Variants in SGCZ observed in about 807,000 individuals in gnomAD.
SGCZ encodes sarcoglycan zeta.
SGCZ carries 40 observed loss-of-function variants against 41.3 expected under a neutral mutation model. The ratio of observed to expected loss-of-function variants is 0.97; its 90% CI spans 0.75 to 1.26. The LOEUF is 1.26. Ranked by LOEUF, SGCZ falls within the 50% of genes most tolerant of loss-of-function variation. The pLI, the probability that SGCZ is intolerant of heterozygous loss-of-function variation, is 0.00. For missense variants in SGCZ, 552 were observed against 369.8 expected (o/e 1.49, Z -4.04); for synonymous variants, 206 against 137.5 (o/e 1.50, Z -3.49).
chr8:14,173,459 T>C (rs981523053), intron 4 of SGCZ, among the ~76,000 whole-genome samples: 2 of 151,958 alleles, frequency 1.3e-5, no homozygotes, highest in Non-Finnish European at 2.9e-5. Context: ...AAATTCAATA[T>C]GTTAAGTGAA....
intron 4 of SGCZ, among the ~76,000 whole-genome samples, chr8:14,230,467 C>T (rs993024725): frequency 5.3e-5 from 8 of 152,178 alleles, no homozygotes; most frequent in Non-Finnish European, 1.2e-4. Flanking sequence ...AAACCTGGAA[C>T]GGATGCCTGG....
At chr8:14,303,822 G>A (rs1036075207) in intron 3 of SGCZ, among the ~76,000 whole-genome samples, 1 of 151,954 alleles carries the variant, frequency 6.6e-6, no homozygotes, top group Non-Finnish European at 1.5e-5. Flanking sequence ...CGCGATCTCG[G>A]CTCACTGCAA....
intron 3 of SGCZ, among the ~76,000 whole-genome samples, chr8:14,259,547 G>A (rs1313418132): frequency 2.1e-5 from 3 of 143,832 alleles, no homozygotes; most frequent in Non-Finnish European, 3.1e-5. Flanking sequence ...AGTTTTCCCA[G>A]CACCATTTAT....
intron 1 of SGCZ, among the ~76,000 whole-genome samples, chr8:14,736,920 C>T (rs549603187): frequency 2.6e-5 from 4 of 151,922 alleles, no homozygotes; most frequent in Admixed American, 2.0e-4. Context: ...AAGATACTTG[C>T]ACATGCATGT....
At chr8:14,338,302 G>C (rs1474314983) in intron 2 of SGCZ, among the ~76,000 whole-genome samples, 3 of 152,152 alleles carry the variant, frequency 2.0e-5, no homozygotes, top group African/African-American at 7.2e-5. Flanking sequence ...CAACTATTAG[G>C]AGCACCAACA....
chr8:15,212,663 G>C (rs1053258835), intron 1 of SGCZ, among the ~76,000 whole-genome samples: 3 of 152,090 alleles, frequency 2.0e-5, no homozygotes, highest in South Asian at 2.1e-4. Context: ...AGAGATAAAA[G>C]AACAAAACTG....
chr8:14,860,302 T>A (rs528363181), intron 1 of SGCZ, among the ~76,000 whole-genome samples: 1 of 152,112 alleles, frequency 6.6e-6, no homozygotes, highest in South Asian at 2.1e-4. Context: ...CAAGAGCAAT[T>A]TGACGCTAAC....
intron 3 of SGCZ, among the ~76,000 whole-genome samples, chr8:14,254,506 T>G (rs539266639): frequency 5.9e-5 from 9 of 152,306 alleles, no homozygotes; most frequent in African/African-American, 2.2e-4. Context: ...AAGCAGTAAA[T>G]GAAATGAATG....
At chr8:14,452,149 A>T (rs1219010238) in intron 2 of SGCZ, among the ~76,000 whole-genome samples, 4 of 152,202 alleles carry the variant, frequency 2.6e-5, no homozygotes, top group Admixed American at 6.5e-5. Context: ...CAACACTAAA[A>T]AGAAATAAGC....
At chr8:14,772,338 A>G (rs1800267764) in intron 1 of SGCZ, among the ~76,000 whole-genome samples, 3 of 152,172 alleles carry the variant, frequency 2.0e-5, no homozygotes, top group Admixed American at 2.0e-4. Flanking sequence ...AGAATAAACT[A>G]TAAGCATTAC....
intron 1 of SGCZ, among the ~76,000 whole-genome samples, chr8:14,808,047 G>A (rs563818774): frequency 6.6e-6 from 1 of 151,954 alleles, no homozygotes; most frequent in Non-Finnish European, 1.5e-5. Flanking sequence ...GCTGAAACTG[G>A]ATCCCTTCCT....
At chr8:14,520,215 A>C (rs80003840) in intron 2 of SGCZ, among the ~76,000 whole-genome samples, 1 of 151,960 alleles carries the variant, frequency 6.6e-6, no homozygotes, top group African/African-American at 2.4e-5. Flanking sequence ...ACAAAATATT[A>C]TTTTTTCTCA....
Position 14,090,924 on chromosome 8 carries a change from C to G in SGCZ, c.745-287G>C, listed in dbSNP as rs567961905. Among the ~76,000 whole-genome samples the G allele has an allele frequency of 1.3e-4, 20 of 152,154 alleles. No homozygotes were observed. The South Asian group carries it at 2.3e-3, about 17-fold the overall frequency. ...GGCCAACCCAGTTACTTAAACACCA[C>G]AGAAAATTAATGATTTTGACAGTCT... On this transcript the variant is annotated intron_variant, in intron 7 of 7. Transcript: ENST00000382080.
chr8:14,290,242 G>C (rs1800793059), intron 3 of SGCZ, among the ~76,000 whole-genome samples: 1 of 152,008 alleles, frequency 6.6e-6, no homozygotes, highest in African/African-American at 2.4e-5. Flanking sequence ...CTACAAGAAG[G>C]AAACATAGAG....
intron 5 of SGCZ, among the ~76,000 whole-genome samples, chr8:14,157,507 G>C (rs976127993): frequency 6.7e-6 from 1 of 150,208 alleles, no homozygotes; most frequent in Non-Finnish European, 1.5e-5. Context: ...TTTGGTATTT[G>C]ATAATACTAT....
chr8:14,860,215 A>G (rs910859808), intron 1 of SGCZ, among the ~76,000 whole-genome samples: 2 of 149,624 alleles, frequency 1.3e-5, no homozygotes, highest in Admixed American at 1.3e-4. Context: ...TTTTCTTCTT[A>G]TTGACATTTT....
At chr8:14,808,388 A>T (rs1175889702) in intron 1 of SGCZ, among the ~76,000 whole-genome samples, 2 of 152,214 alleles carry the variant, frequency 1.3e-5, no homozygotes, top group African/African-American at 4.8e-5. Context: ...TTTACAAGAA[A>T]AAAAACAAAC....
intron 3 of SGCZ, 56 bp from the exon 4 acceptor site, chr8:14,237,735 A>C: frequency 6.7e-7 from 1 of 1,492,942 alleles, no homozygotes; most frequent in Non-Finnish European, 9.3e-7. Flanking sequence ...TCAAATTTAC[A>C]AAAAAATATA....
At chr8:14,788,703 G>C (rs967915142) in intron 1 of SGCZ, among the ~76,000 whole-genome samples, 9 of 152,148 alleles carry the variant, frequency 5.9e-5, no homozygotes, top group African/African-American at 2.2e-4. Flanking sequence ...TATGTTCTAT[G>C]AAATTGTCAT....
Sources: allele counts gnomAD v4.1 joint callset (sites outside exome capture counted in the v4.1 genomes callset), GRCh38; gene constraint gnomAD v4.1.1; transcripts MANE v1.5; gene names NCBI Gene and HGNC (gene_info 2026-07-23, HGNC 2026-07-21).